The following CEP170 variants were observed in gnomAD, a reference collection of about 807,000 sequenced individuals.
CEP170 encodes the protein centrosomal protein 170, also known as centrosomal protein of 170 kDa.
A neutral mutation model predicts 151.9 loss-of-function variants in CEP170; 21 were observed. The observed-to-expected ratio is 0.14, with a 90% CI of 0.10 to 0.20. CEP170 has a LOEUF of 0.20. CEP170 is among the 10% of genes least tolerant of loss of function. The pLI, the probability that CEP170 is intolerant of heterozygous loss-of-function variation, is 1.00. For synonymous variants in CEP170, 356 were observed against 648.8 expected, an observed-to-expected ratio of 0.55 and a Z score of 6.86; for missense variants, 964 against 1,892.9, an observed-to-expected ratio of 0.51 and a Z score of 9.11.
chr1:243,223,786 AAAG>A (rs1342848274), intron 2 of CEP170, among the ~76,000 whole-genome samples: 1 of 152,374 alleles, frequency 6.6e-6, no homozygotes, highest in African/African-American at 2.4e-5. Flanking sequence ...AACTCAAGGC[AAAG>A]AAGATCAGTT....
intron 14 of CEP170, among the ~76,000 whole-genome samples, chr1:243,147,371 C>A (rs2056624338): frequency 6.6e-6 from 1 of 152,214 alleles, no homozygotes; most frequent in African/African-American, 2.4e-5. Context: ...TATTAGACAG[C>A]ACATAATTTT....
intron 10 of CEP170, among the ~76,000 whole-genome samples, chr1:243,179,368 T>A (rs1483695706): frequency 1.3e-5 from 2 of 152,148 alleles, no homozygotes; most frequent in African/African-American, 2.4e-5. Flanking sequence ...CTGGAAGCTG[T>A]CAGGTAGGTA....
intron 6 of CEP170, 82 bp downstream of exon 6, chr1:243,200,436 C>T (rs2060949584): frequency 6.3e-7 from 1 of 1,593,336 alleles, no homozygotes; most frequent in Non-Finnish European, 8.6e-7. Context: ...TTTATATGGA[C>T]ATAGCCAACT....
intron 1 of CEP170, among the ~76,000 whole-genome samples, chr1:243,233,956 T>C (rs2064023707): frequency 6.6e-6 from 1 of 151,900 alleles, no homozygotes; most frequent in African/African-American, 2.4e-5. Flanking sequence ...AGAAACTGGT[T>C]TACTCAGATT....
intron 4 of CEP170, among the ~76,000 whole-genome samples, chr1:243,210,761 C>T (rs554009799): frequency 7.9e-5 from 12 of 151,380 alleles, no homozygotes; most frequent in South Asian, 4.2e-4. Context: ...ATTACAGATG[C>T]GTGCCACCAT....
At chr1:243,144,577 T>C (rs1392828396) in intron 14 of CEP170, among the ~76,000 whole-genome samples, 3 of 152,304 alleles carry the variant, frequency 2.0e-5, no homozygotes, top group Admixed American at 6.5e-5. Flanking sequence ...ATAAGCATCA[T>C]TGTATCCAAA....
chr1:243,188,138 A>G (rs2060052718), intron 8 of CEP170, among the ~76,000 whole-genome samples: 1 of 152,210 alleles, frequency 6.6e-6, no homozygotes, highest in African/African-American at 2.4e-5. Context: ...TAAAAACACT[A>G]GATTTTACAA....
At chr1:243,202,317 C>T (rs1331983762) in intron 4 of CEP170, among the ~76,000 whole-genome samples, 16 of 151,972 alleles carry the variant, frequency 1.1e-4, no homozygotes, top group Non-Finnish European at 2.2e-4. Flanking sequence ...AGCCGGAAGG[C>T]GGGGTGAGGG....
At chr1:243,200,304 T>G (rs1425955017) in intron 6 of CEP170, among the ~76,000 whole-genome samples, 1 of 152,160 alleles carries the variant, frequency 6.6e-6, no homozygotes, top group East Asian at 1.9e-4. Flanking sequence ...CTTAAACATT[T>G]AAACATATTA....
chr1:243,189,978 C>CT (rs1444737102), intron 8 of CEP170, among the ~76,000 whole-genome samples: 1 of 152,138 alleles, frequency 6.6e-6, no homozygotes, highest in Non-Finnish European at 1.5e-5. Flanking sequence ...CATCATCTCA[C>CT]TGTCCGGAAA....
In CEP170 at chr1:243,214,004, G is replaced by A. The variant is rs143481272; in HGVS notation, c.196-2040C>T. ...GGGATTACAGGTGTAAGCCACCATC[G>A]CCAGCCTCATTTTAAAAGAAGTGTC... is the stretch of plus-strand genomic sequence containing the variant. On this transcript the variant is annotated intron_variant, in intron 3 of 19. Transcript: ENST00000366542. Among the ~76,000 whole-genome samples the A allele has an allele frequency of 3.8e-3, 573 of 152,200 alleles. 2 individuals are homozygous for A. Among genetic ancestry groups the A allele is most frequent in the African/African-American group, 0.013 (542 of 41,542 alleles).
intron 14 of CEP170, among the ~76,000 whole-genome samples, chr1:243,151,895 T>A (rs1351307668): frequency 6.6e-6 from 1 of 152,194 alleles, no homozygotes; most frequent in African/African-American, 2.4e-5. Context: ...ATGTAGCTGG[T>A]GACTTTATGT....
chr1:243,236,184 G>GCCTTAT (rs1332556146), intron 1 of CEP170, among the ~76,000 whole-genome samples: 6 of 152,112 alleles, frequency 3.9e-5, no homozygotes, highest in African/African-American at 1.4e-4. Context: ...TAAAGTTAAA[G>GCCTTAT]CCTTATTCAA....
intron 1 of CEP170, among the ~76,000 whole-genome samples, chr1:243,246,758 T>C (rs560164184): frequency 6.6e-6 from 1 of 152,296 alleles, no homozygotes; most frequent in East Asian, 1.9e-4. Flanking sequence ...GTTTTCTAAA[T>C]TTTCTGCCAT....
chr1:243,126,650 T>A lies in CEP170; in HGVS notation c.4554A>T (p.Lys1518Asn), dbSNP rs2053729876. ...GGTTATTCACAGGGCTGGACTTCTG[T>A]TTCGGTGGAGATGGCAACATAGCAC... ...FPSAMLPSPP[K>N]QKSSPVNNHH... The change falls in exon 20 of 20, where the codon AAA becomes AAT. Residue 1518 changes from lysine to asparagine, a missense_variant. By Grantham distance (94) the Lys-to-Asn change is moderately conservative (BLOSUM62 0). Transcript: ENST00000366542. The A allele has an allele frequency of 1.2e-5, 19 of 1,561,082 alleles. No homozygotes were observed. Among genetic ancestry groups the A allele is most frequent in the Non-Finnish European group, 1.7e-5 (19 of 1,150,874 alleles).
rs1239000698 is a variant in CEP170, at chr1:243,234,169, A to G, written c.-41-8848T>C. ...CAGAGAAAGAAATAGCTGGCCTCAC[A>G]TTAGGACTATCGGTCTACACAGTAG... On this transcript the variant is annotated intron_variant, in intron 1 of 19. Transcript: ENST00000366542. Among the ~76,000 whole-genome samples the G allele has an allele frequency of 2.0e-5, 3 of 152,104 alleles. No homozygotes were observed. The East Asian group carries it at 5.8e-4, about 29-fold the overall frequency.
intron 4 of CEP170, among the ~76,000 whole-genome samples, chr1:243,205,617 C>G (rs1312841894): frequency 2.0e-5 from 3 of 152,148 alleles, no homozygotes; most frequent in Non-Finnish European, 2.9e-5. Context: ...AGAAGCCTAA[C>G]AAATCTTAAA....
At chr1:243,227,250 A>C (rs2063372111) in intron 1 of CEP170, among the ~76,000 whole-genome samples, 1 of 148,306 alleles carries the variant, frequency 6.7e-6, no homozygotes, top group Non-Finnish European at 1.5e-5. Flanking sequence ...TTGACAGCTC[A>C]AATATTATCA....
chr1:243,155,876 T>C (rs1194847020), intron 14 of CEP170, among the ~76,000 whole-genome samples: 1 of 152,088 alleles, frequency 6.6e-6, no homozygotes, highest in Non-Finnish European at 1.5e-5. Flanking sequence ...AGGAAAGTAA[T>C]CCATAAATTG....
Sources: allele counts gnomAD v4.1 joint callset (sites outside exome capture counted in the v4.1 genomes callset), GRCh38; gene constraint gnomAD v4.1.1; transcripts MANE v1.5; gene names NCBI Gene and HGNC (gene_info 2026-07-23, HGNC 2026-07-21).